MAGI2: variants seen among roughly 807,000 people sequenced by gnomAD.
MAGI2 encodes membrane-associated guanylate kinase, WW and PDZ domain-containing protein 2.
In MAGI2, 35 loss-of-function variants were observed where a neutral mutation model predicts 133.3. The observed-to-expected ratio is 0.26, with a 90% CI of 0.20 to 0.35. MAGI2 has a LOEUF of 0.35. MAGI2 is among the 10% of genes least tolerant of loss of function. The pLI is 1.00. For synonymous variants in MAGI2, 729 were observed against 710.6 expected (o/e 1.03, Z -0.41); for missense variants, 1,636 against 1,863.4 (o/e 0.88, Z 2.25).
At chr7:79,206,211 A>G (rs1005223394) in intron 1 of MAGI2, among the ~76,000 whole-genome samples, 50 of 151,780 alleles carry the variant, frequency 3.3e-4, no homozygotes, top group Non-Finnish European at 3.8e-4. Flanking sequence ...TAGTAAAAAA[A>G]AAAATGAAAT....
At chr7:78,227,243 G>A (rs1313865783) in intron 10 of MAGI2, among the ~76,000 whole-genome samples, 1 of 152,144 alleles carries the variant, frequency 6.6e-6, no homozygotes, top group Admixed American at 6.5e-5. Context: ...TCTAACACAT[G>A]TTCTTGATAT....
chr7:79,171,742 A>AT (rs34574261), intron 1 of MAGI2, among the ~76,000 whole-genome samples: 5,225 of 40,196 alleles, frequency 0.13, 1,124 homozygotes, highest in Non-Finnish European at 0.16. Flanking sequence ...CAATAGCCAA[A>AT]AATATATATA....
intron 1 of MAGI2, among the ~76,000 whole-genome samples, chr7:79,055,783 CG>C (rs1813097851): frequency 6.6e-6 from 1 of 152,160 alleles, no homozygotes; most frequent in South Asian, 2.1e-4. Context: ...TAGGATTTTA[CG>C]TCCACTACAT....
intron 2 of MAGI2, among the ~76,000 whole-genome samples, chr7:78,917,534 G>A (rs960169353): frequency 3.3e-5 from 5 of 152,114 alleles, no homozygotes; most frequent in African/African-American, 7.2e-5. Flanking sequence ...TTTATCCTTG[G>A]CCATTTTGAT....
chr7:79,447,884 TAA>T (rs941605215), intron 1 of MAGI2, among the ~76,000 whole-genome samples: 4 of 151,926 alleles, frequency 2.6e-5, no homozygotes, highest in Non-Finnish European at 5.9e-5. Context: ...TGTGAACACT[TAA>T]GAGTTAACTT....
intron 1 of MAGI2, among the ~76,000 whole-genome samples, chr7:79,265,253 G>A (rs894505037): frequency 1.3e-5 from 2 of 152,064 alleles, no homozygotes; most frequent in Non-Finnish European, 2.9e-5. Flanking sequence ...AGAGACTTGC[G>A]GTGGGCCCTG....
chr7:78,415,763 C>T (rs751009180), intron 6 of MAGI2, among the ~76,000 whole-genome samples: 7 of 152,138 alleles, frequency 4.6e-5, no homozygotes, highest in African/African-American at 9.6e-5. Flanking sequence ...GAAGAAGTGG[C>T]GTCTTTTAAA....
chr7:78,372,615 A>AT (rs1251121788), intron 6 of MAGI2, among the ~76,000 whole-genome samples: 1 of 152,170 alleles, frequency 6.6e-6, no homozygotes, highest in Admixed American at 6.6e-5. Flanking sequence ...AACTGTTTTA[A>AT]TTGAGATTTT....
rs1808723991 is a variant in MAGI2, at chr7:79,016,316, G to A, written c.302-9110C>T. 2.6e-5 allele frequency among the ~76,000 whole-genome samples: 4 copies of A among 152,064 alleles called. No homozygotes were observed. In the South Asian group the frequency reaches 6.2e-4, roughly 24 times the overall value. ...CTTGCTCATGAGGCTGGGCCAGTCC[G>A]ACCAGAGCACCTTTGGTCTGCTGGC... On this transcript the variant is annotated intron_variant, in intron 1 of 21. Coordinates refer to ENST00000354212, the MANE Select transcript of MAGI2 (RefSeq NM_012301.4).
chr7:79,219,283 C>G (rs911360195), intron 1 of MAGI2, among the ~76,000 whole-genome samples: 3 of 151,770 alleles, frequency 2.0e-5, no homozygotes, highest in African/African-American at 7.3e-5. Context: ...ACAAAAAACC[C>G]TAAATAAAGG....
intron 1 of MAGI2, among the ~76,000 whole-genome samples, chr7:79,143,279 G>A (rs1462750424): frequency 6.6e-6 from 1 of 152,128 alleles, no homozygotes; most frequent in Admixed American, 6.6e-5. Flanking sequence ...GAAAAAAGGT[G>A]AATAATTATT....
chr7:79,144,554 G>A (rs755636695), intron 1 of MAGI2, among the ~76,000 whole-genome samples: 107 of 152,206 alleles, frequency 7.0e-4, no homozygotes, highest in Admixed American at 2.7e-3. Flanking sequence ...ATTGTGAGTC[G>A]ATTAAACCTC....
intron 6 of MAGI2, among the ~76,000 whole-genome samples, chr7:78,489,525 A>G (rs1793392738): frequency 6.6e-6 from 1 of 152,080 alleles, no homozygotes; most frequent in Admixed American, 6.6e-5. Flanking sequence ...GTCAAACAGA[A>G]CCAACAGAGA....
At chr7:78,809,162 T>A (rs1042507056) in intron 2 of MAGI2, among the ~76,000 whole-genome samples, 2 of 152,178 alleles carry the variant, frequency 1.3e-5, no homozygotes, top group Non-Finnish European at 2.9e-5. Context: ...CTGGATCTGG[T>A]CACATCACTG....
chr7:79,032,519 G>GAAAA (rs34049134), intron 1 of MAGI2, among the ~76,000 whole-genome samples: 13,965 of 117,678 alleles, frequency 0.12, 984 homozygotes, highest in African/African-American at 0.23. Flanking sequence ...CTCTGACTCA[G>GAAAA]AAAAAAAAAA....
At chr7:78,660,806 T>C (rs1426561651) in intron 2 of MAGI2, among the ~76,000 whole-genome samples, 1 of 152,244 alleles carries the variant, frequency 6.6e-6, no homozygotes, top group African/African-American at 2.4e-5. Context: ...CATAAAAATA[T>C]ATGTAGACAT....
chr7:78,924,172 T>G (rs1799500262), intron 2 of MAGI2, among the ~76,000 whole-genome samples: 3 of 152,156 alleles, frequency 2.0e-5, no homozygotes, highest in African/African-American at 4.8e-5. Context: ...TTTTCCTAAT[T>G]GAATACCCTT....
chr7:78,398,864 C>A (rs1432065550), intron 6 of MAGI2, among the ~76,000 whole-genome samples: 1 of 152,266 alleles, frequency 6.6e-6, no homozygotes, highest in East Asian at 1.9e-4. Context: ...AGTTCAATCT[C>A]CCTTATTGCA....
intron 2 of MAGI2, among the ~76,000 whole-genome samples, chr7:78,657,216 C>T (rs1028254423): frequency 6.6e-6 from 1 of 152,194 alleles, no homozygotes; most frequent in Non-Finnish European, 1.5e-5. Context: ...AACTCTTATT[C>T]ATTGCTGGTG....
Sources: gnomAD v4.1 joint callset for allele counts (sites outside exome capture counted in the v4.1 genomes callset) on GRCh38, gnomAD v4.1.1 for gene constraint, MANE v1.5 for transcripts, NCBI Gene and HGNC (gene_info 2026-07-23, HGNC 2026-07-21) for gene names.